The following KCNQ1 variants were observed in gnomAD, a reference collection of about 807,000 sequenced individuals.
KCNQ1 encodes potassium voltage-gated channel subfamily Q member 1.
A neutral mutation model predicts 72.4 loss-of-function variants in KCNQ1; 49 were observed. The ratio of observed to expected loss-of-function variants is 0.68; its 90% CI spans 0.54 to 0.86. The LOEUF (loss-of-function observed/expected upper bound fraction) is 0.86. KCNQ1 is among the 40% of genes least tolerant of loss of function. KCNQ1 has a pLI of 0.00. For synonymous variants in KCNQ1, 450 were observed against 412.6 expected (o/e 1.09, Z -1.10); for missense variants, 790 against 945.1 (o/e 0.84, Z 2.15).
intron 1 of KCNQ1, among the ~76,000 whole-genome samples, chr11:2,459,899 A>T (rs933746912): frequency 3.3e-5 from 5 of 150,958 alleles, no homozygotes; most frequent in Admixed American, 6.6e-5. Context: ...TTTTTTTTTT[A>T]AATGTGGTTA....
intron 1 of KCNQ1, among the ~76,000 whole-genome samples, chr11:2,489,188 T>A (rs7115906): frequency 1.3e-5 from 2 of 152,234 alleles, no homozygotes; most frequent in Admixed American, 6.5e-5. Context: ...GACAGCACTG[T>A]GCCTCCCATC....
rs917643221 is a variant in KCNQ1, at chr11:2,665,230, G to A, written c.1514+3149G>A. 111 of 398,426 alleles carry A rather than the reference G, an allele frequency of 2.8e-4. No individual in the cohort carries two copies. Among genetic ancestry groups the A allele is most frequent in the Middle Eastern group, 1.2e-3 (2 of 1,610 alleles). The allele number at this position is 398,426 out of a possible 1,614,324, so 24.7% of individuals were successfully genotyped here. A position where few individuals can be genotyped will look rare whatever the true frequency, so the allele number is the denominator to read the frequency against. On this transcript the variant is annotated intron_variant, in intron 11 of 15. Coordinates refer to ENST00000155840, the MANE Select transcript of KCNQ1 (RefSeq NM_000218.3). Reference sequence around the variant, plus strand: ...AGAAGCTGTCTTCCTAGGTTGAATGGGGCACAAGAGAGTCCCTGCCAGCCT... The same window carrying A: ...AGAAGCTGTCTTCCTAGGTTGAATGAGGCACAAGAGAGTCCCTGCCAGCCT...
chr11:2,465,929 C>T (rs1846345168), intron 1 of KCNQ1, among the ~76,000 whole-genome samples: 1 of 152,208 alleles, frequency 6.6e-6, no homozygotes, highest in Non-Finnish European at 1.5e-5. Flanking sequence ...TTCCTGGCTG[C>T]ACCTGCCGGG....
rs1004603477 is a variant in KCNQ1, at chr11:2,723,528, C to T, written c.1515-45316C>T. 5.9e-5 allele frequency among the ~76,000 whole-genome samples: 9 copies of T among 152,210 alleles called. No homozygotes were observed. Among genetic ancestry groups the T allele is most frequent in the Non-Finnish European group, 1.2e-4 (8 of 68,036 alleles). On this transcript the variant is annotated intron_variant, in intron 11 of 15. Transcript: ENST00000155840. This position sits in a 1 kb window ranked among gnomAD's most constrained non-coding sequence, Gnocchi z 4.2. Reference sequence around the variant, plus strand: ...CCCCACACCTGGTCCGCTGTTCTGTCCTTACTGTAGCAGTGGGCCTGGAGG... The same window carrying T: ...CCCCACACCTGGTCCGCTGTTCTGTTCTTACTGTAGCAGTGGGCCTGGAGG...
rs565969334 is a variant in KCNQ1 at position 2,809,601 on chromosome 11, T to C, written c.1794+31564T>C. ...CTCAGTTCTTCGTTTCCAGTTGGAC[T>C]CATCTCCTGACTGGTTGGGTTTCTG... On this transcript the variant is annotated intron_variant, in intron 15 of 15. Transcript: ENST00000155840. The surrounding 1 kb of genome is among the most constrained non-coding windows in gnomAD (Gnocchi z 7.1). 6.6e-6 allele frequency among the ~76,000 whole-genome samples: 1 copy of C among 152,320 alleles called. No homozygotes were observed. The highest frequency in any genetic ancestry group is 2.1e-4 in the South Asian group (1 of 4,822).
chr11:2,591,564 G>A (rs1011746835), intron 10 of KCNQ1, among the ~76,000 whole-genome samples: 3 of 152,240 alleles, frequency 2.0e-5, no homozygotes, highest in African/African-American at 4.8e-5. Flanking sequence ...GCAGGTGGGC[G>A]TGGCCGGGGG....
At chr11:2,448,313 C>T (rs1362556907) in intron 1 of KCNQ1, among the ~76,000 whole-genome samples, 1 of 152,244 alleles carries the variant, frequency 6.6e-6, no homozygotes, top group African/African-American at 2.4e-5. Flanking sequence ...AGCCCCTGTT[C>T]CCCGCTCCTA....
Position 2,468,593 on chromosome 11 carries a change from A to G in KCNQ1, c.386+23109A>G, listed in dbSNP as rs911204392. On this transcript the variant is annotated intron_variant, in intron 1 of 15. Transcript: ENST00000155840. The surrounding 1 kb of genome is among the most constrained non-coding windows in gnomAD (Gnocchi z 5.7). The stretch of plus-strand genomic sequence containing the variant: ...ACCCTCACAGCGTCCCCCTGTCCCC[A>G]CGACCAGGCCACTGCTGCCCTACCA... 2.6e-5 allele frequency among the ~76,000 whole-genome samples: 4 copies of G among 152,124 alleles called. No homozygotes were observed. Among genetic ancestry groups the G allele is most frequent in the Non-Finnish European group, 5.9e-5 (4 of 68,028 alleles).
In KCNQ1 at chr11:2,848,839, C is replaced by T. The variant is rs371292977; in HGVS notation, c.*836C>T. On this transcript the variant is annotated 3_prime_UTR_variant, in exon 16 of 16. Transcript: ENST00000155840. ...CAGCTGCTGAGCCGCAGAGAAGTGA[C>T]GGTTCCTACACAGGACAGGGGTTCC... The T allele has an allele frequency of 1.1e-4, 49 of 454,180 alleles. No homozygotes were observed. The highest frequency in any genetic ancestry group is 6.9e-4 in the Middle Eastern group (1 of 1,446). 28.1% of individuals were successfully genotyped at this position (454,180 alleles called of 1,614,324 possible). A position where few individuals can be genotyped will look rare whatever the true frequency, so the allele number is the denominator to read the frequency against.
intron 11 of KCNQ1, among the ~76,000 whole-genome samples, chr11:2,742,210 G>T (rs1251070643): frequency 6.6e-6 from 1 of 152,226 alleles, no homozygotes; most frequent in East Asian, 1.9e-4. Context: ...GGTGGCTTGG[G>T]GGGTACCACC....
chr11:2,832,352 C>T (rs1008054325), intron 15 of KCNQ1, among the ~76,000 whole-genome samples: 5 of 152,182 alleles, frequency 3.3e-5, no homozygotes, highest in East Asian at 1.9e-4. Flanking sequence ...TGGGGGCTTC[C>T]GGGCTGGGAG....
At chr11:2,570,147 C>T (rs1395057832) in intron 2 of KCNQ1, among the ~76,000 whole-genome samples, 1 of 152,208 alleles carries the variant, frequency 6.6e-6, no homozygotes, top group South Asian at 2.1e-4. Flanking sequence ...TGGCGTGGGA[C>T]GCCCTCTGGC....
chr11:2,840,498 G>A (rs979745525), intron 15 of KCNQ1: 3 of 148,622 alleles, frequency 2.0e-5, no homozygotes, highest in African/African-American at 7.4e-5. Flanking sequence ...AAAGATTTAG[G>A]GGGTAAAACA....
At chr11:2,708,433 C>T (rs1222706495) in intron 11 of KCNQ1, among the ~76,000 whole-genome samples, 1 of 152,220 alleles carries the variant, frequency 6.6e-6, no homozygotes, top group African/African-American at 2.4e-5. Context: ...TGTAACTTCT[C>T]TTCAGGGCAC....
rs901069465 is a variant in KCNQ1, at chr11:2,813,682, C to T, written c.1795-34085C>T. ...ATTTTTAGTCGGTGGTGGGCTGTCA[C>T]TCCGGAGGCCAGTGACTGCGTCATC... On this transcript the variant is annotated intron_variant, in intron 15 of 15. Coordinates refer to ENST00000155840, the MANE Select transcript of KCNQ1 (RefSeq NM_000218.3). This position sits in a 1 kb window ranked among gnomAD's most constrained non-coding sequence, Gnocchi z 4.4. Among the ~76,000 whole-genome samples the T allele has an allele frequency of 1.3e-5, 2 of 152,118 alleles. No homozygotes were observed. Among genetic ancestry groups the T allele is most frequent in the Admixed American group, 1.3e-4 (2 of 15,254 alleles).
rs199803239 is a variant in KCNQ1, at chr11:2,676,413, A to G, written c.1514+14332A>G. 87 of 398,632 alleles carry G rather than the reference A, an allele frequency of 2.2e-4. No homozygotes were observed. In the East Asian group the frequency reaches 2.4e-3, roughly 11 times the overall value. The allele number at this position is 398,632 out of a possible 1,614,324, so 24.7% of individuals were successfully genotyped here. On this transcript the variant is annotated intron_variant, in intron 11 of 15. Coordinates refer to ENST00000155840, the MANE Select transcript of KCNQ1 (RefSeq NM_000218.3). The surrounding 1 kb of genome is among the most constrained non-coding windows in gnomAD (Gnocchi z 4.2). Reference sequence around the variant, plus strand: ...TGTGTTCAGCTAGAGATTTAGCCCAATGGGCTGGGCTTTTCCCAGATAGGA... The same window carrying G: ...TGTGTTCAGCTAGAGATTTAGCCCAGTGGGCTGGGCTTTTCCCAGATAGGA...
chr11:2,585,103 C>A, intron 7 of KCNQ1, 109 bp from the exon 8 acceptor site: 3 of 979,456 alleles, frequency 3.1e-6, no homozygotes, highest in African/African-American at 1.6e-5. Flanking sequence ...GCTTCCAGCA[C>A]TGACCATACC....
At chr11:2,496,927 C>T (rs544087437) in intron 1 of KCNQ1, among the ~76,000 whole-genome samples, 1 of 151,998 alleles carries the variant, frequency 6.6e-6, no homozygotes, top group South Asian at 2.1e-4. Flanking sequence ...ACTCATGAAG[C>T]TTAGTTTGGC....
intron 10 of KCNQ1, chr11:2,619,316 A>G (rs1191171519): frequency 2.5e-6 from 1 of 398,378 alleles, no homozygotes; most frequent in Admixed American, 4.4e-5. Flanking sequence ...TGGGCTTTTC[A>G]TAAATGGCAT....
Sources: allele counts gnomAD v4.1 joint callset (sites outside exome capture counted in the v4.1 genomes callset), GRCh38; gene constraint gnomAD v4.1.1; non-coding constraint Gnocchi (gnomAD v3.1); transcripts MANE v1.5; gene names NCBI Gene and HGNC (gene_info 2026-07-23, HGNC 2026-07-21).